Variants in TMPRSS9 observed in about 807,000 individuals in gnomAD.
TMPRSS9 encodes transmembrane protease serine 9.
A neutral mutation model predicts 111.4 loss-of-function variants in TMPRSS9; 113 were observed. That is an observed-to-expected ratio of 1.01 (90% CI 0.87 to 1.19). The LOEUF (loss-of-function observed/expected upper bound fraction) is 1.19, where lower values mean the gene tolerates loss of function less well. TMPRSS9 is among the 50% of genes most tolerant of loss of function. TMPRSS9 has a pLI of 0.00. For synonymous variants in TMPRSS9, 805 were observed against 659.1 expected, an observed-to-expected ratio of 1.22 and a Z score of -3.39; for missense variants, 1,803 against 1,513.1, an observed-to-expected ratio of 1.19 and a Z score of -3.18.
chr19:2,384,926 G>A (rs1485785372), upstream of TMPRSS9, among the ~76,000 whole-genome samples: 1 of 148,972 alleles, frequency 6.7e-6, no homozygotes, highest in Non-Finnish European at 1.5e-5. Flanking sequence ...AAGTTGCAGT[G>A]AGCTGAGATC....
At chr19:2,420,204 C>A (rs963659367) in intron 13 of TMPRSS9, among the ~76,000 whole-genome samples, 1 of 151,866 alleles carries the variant, frequency 6.6e-6, no homozygotes, top group African/African-American at 2.4e-5. Context: ...TTTGGGAGGC[C>A]GAGGCAGGCA....
chr19:2,417,466 CA>C (rs61320761), intron 12 of TMPRSS9, among the ~76,000 whole-genome samples: 37,868 of 106,826 alleles, frequency 0.35, 4,954 homozygotes, highest in East Asian at 0.44. Context: ...ACTCCCATCT[CA>C]AAAAAAAAAA....
chr19:2,378,471 G>A (rs1401219101), intron 1 of TMPRSS9, among the ~76,000 whole-genome samples: 3 of 152,124 alleles, frequency 2.0e-5, no homozygotes, highest in African/African-American at 7.2e-5. Flanking sequence ...TGTAATCCCA[G>A]CACTTTGGGA....
chr19:2,392,485 T>C (rs1028744152), intron 1 of TMPRSS9, among the ~76,000 whole-genome samples: 1 of 152,194 alleles, frequency 6.6e-6, no homozygotes, highest in Non-Finnish European at 1.5e-5. Flanking sequence ...AACGGGAGGA[T>C]TGCTTGAGCC....
chr19:2,426,085 G>C, exon 18 of TMPRSS9: 1 of 1,596,498 alleles, frequency 6.3e-7, no homozygotes, highest in South Asian at 1.1e-5. Context: ...ACATCCAGGA[G>C]TGACCACCAC....
Position 2,418,286 on chromosome 19 carries a change from TCCTCCTTTCCTTC to T in TMPRSS9, c.2154+154_2154+166del. The T allele has an allele frequency of 1.5e-5, 7 of 455,516 alleles. 3 individuals are homozygous for T. Among genetic ancestry groups the T allele is most frequent in the East Asian group, 1.6e-4 (2 of 12,564 alleles). 28.2% of individuals were successfully genotyped at this position (455,516 alleles called of 1,614,324 possible). On this transcript the variant is annotated intron_variant, in intron 13 of 17. Transcript: ENST00000648592. Reference sequence around the variant, plus strand: ...TCCTTGTCCTTCCCTCCTTTTCCTTTCCTCCTTTCCTTCCCTCCCTTTCCCTCCCTCCCTCCCT... The same window carrying T: ...TCCTTGTCCTTCCCTCCTTTTCCTTTCCTCCCTTTCCCTCCCTCCCTCCCT...
Position 2,418,145 on chromosome 19 carries a change from A to T in TMPRSS9, c.2154+7A>T. 1.2e-6 allele frequency: 2 copies of T among 1,609,126 alleles called. No homozygotes were observed. The highest frequency in any genetic ancestry group is 1.7e-6 in the Non-Finnish European group (2 of 1,177,662). ...CAAAGTCGACTCCTGCCAGGTAAGC[A>T]TTCAAAGGGGGAAAGCGGGCAATAT... is the stretch of plus-strand genomic sequence containing the variant. On this transcript the variant is annotated splice_region_variant and intron_variant, in intron 13 of 17. Transcript: ENST00000648592.
chr19:2,390,593 C>T (rs7409191), intron 1 of TMPRSS9, among the ~76,000 whole-genome samples: 51,087 of 150,098 alleles, frequency 0.34, 9,179 homozygotes, highest in East Asian at 0.6. Context: ...TGGTGGCTCC[C>T]GCCTGTAATC....
At chr19:2,425,561 C>T in intron 17 of TMPRSS9, 68 bp downstream of exon 18, 2 of 1,442,220 alleles carry the variant, frequency 1.4e-6, no homozygotes, top group African/African-American at 1.5e-5. Flanking sequence ...TTCCCGCTGC[C>T]ACGAAGCCCA....
At chr19:2,380,386 T>C (rs1970376886) in intron 1 of TMPRSS9, among the ~76,000 whole-genome samples, 1 of 151,578 alleles carries the variant, frequency 6.6e-6, no homozygotes, top group Admixed American at 6.6e-5. Flanking sequence ...GTTTGAGGTC[T>C]GGAGTTCAAG....
At chr19:2,410,426 A>T (rs1382566820) in intron 9 of TMPRSS9, 32 bp downstream of exon 10, 8 of 1,611,122 alleles carry the variant, frequency 5.0e-6, no homozygotes, top group Non-Finnish European at 6.8e-6. Flanking sequence ...CCCCAGAAAA[A>T]CACAGAAATA....
intron 1 of TMPRSS9, among the ~76,000 whole-genome samples, chr19:2,392,263 C>T (rs921668351): frequency 6.6e-5 from 10 of 151,904 alleles, no homozygotes; most frequent in African/African-American, 2.4e-4. Context: ...AGTGGTTGTG[C>T]GTGCCAGTAG....
chr19:2,376,778 G>A (rs904433583), intron 1 of TMPRSS9, among the ~76,000 whole-genome samples: 2 of 152,028 alleles, frequency 1.3e-5, no homozygotes, highest in African/African-American at 4.8e-5. Context: ...TTCTAGGAAC[G>A]TACCCAGAGA....
chr19:2,412,151 T>C (rs1225447835), intron 9 of TMPRSS9, among the ~76,000 whole-genome samples: 1 of 152,144 alleles, frequency 6.6e-6, no homozygotes, highest in African/African-American at 2.4e-5. Flanking sequence ...CCCAGTACTT[T>C]GGGAGGCTGA....
intron 1 of TMPRSS9, among the ~76,000 whole-genome samples, chr19:2,390,527 G>A (rs532248597): frequency 2.0e-3 from 290 of 148,600 alleles, no homozygotes; most frequent in Non-Finnish European, 3.5e-3. Context: ...ACAGGCATGA[G>A]CCACCGCGCC....
chr19:2,417,727 T>C (rs1184290778), intron 12 of TMPRSS9, among the ~76,000 whole-genome samples: 3 of 152,152 alleles, frequency 2.0e-5, no homozygotes, highest in African/African-American at 4.8e-5. Context: ...CAACAGTTAA[T>C]GCTTCCCTTG....
intron 6 of TMPRSS9, among the ~76,000 whole-genome samples, chr19:2,403,960 T>C (rs1458256978): frequency 3.3e-4 from 43 of 130,548 alleles, no homozygotes; most frequent in African/African-American, 1.3e-3. Flanking sequence ...GCCACTGCAC[T>C]CCAGCCTGGC....
intron 4 of TMPRSS9, among the ~76,000 whole-genome samples, chr19:2,400,769 T>G (rs897782871): frequency 1.4e-5 from 2 of 140,144 alleles, no homozygotes; most frequent in African/African-American, 2.7e-5. Flanking sequence ...AGGTCAGGAG[T>G]TTGAGACCAG....
At chr19:2,415,471 G>A (rs7257702) in intron 10 of TMPRSS9, among the ~76,000 whole-genome samples, 199 bp from the exon 12 acceptor site, 1 of 151,794 alleles carries the variant, frequency 6.6e-6, no homozygotes, top group Non-Finnish European at 1.5e-5. Flanking sequence ...TTCTGTCCCC[G>A]AAGCGAGGCC....
Sources: gnomAD v4.1 joint callset for allele counts (sites outside exome capture counted in the v4.1 genomes callset) on GRCh38, gnomAD v4.1.1 for gene constraint, MANE v1.5 for transcripts, NCBI Gene and HGNC (gene_info 2026-07-23, HGNC 2026-07-21) for gene names.